Variants in STXBP5L observed in about 807,000 individuals in gnomAD.
STXBP5L encodes the protein syntaxin-binding protein 5-like.
Under a neutral mutation model 144.5 loss-of-function variants are expected in STXBP5L, and 65 were observed. The ratio of observed to expected loss-of-function variants is 0.45; its 90% CI spans 0.37 to 0.55. The LOEUF (loss-of-function observed/expected upper bound fraction) is 0.55. Ranked by LOEUF, STXBP5L falls within the 20% of genes least tolerant of loss-of-function variation. STXBP5L has a pLI of 0.00. For synonymous variants in STXBP5L, 505 were observed against 469.6 expected, an observed-to-expected ratio of 1.08 and a Z score of -0.97; for missense variants, 1,298 against 1,405.5, an observed-to-expected ratio of 0.92 and a Z score of 1.22.
chr3:120,945,260 A>G (rs1385739551), intron 2 of STXBP5L, among the ~76,000 whole-genome samples: 1 of 151,836 alleles, frequency 6.6e-6, no homozygotes, highest in Non-Finnish European at 1.5e-5. Context: ...CAGAAAAGGC[A>G]TAGCATATAT....
chr3:121,045,572 A>G (rs780191712), intron 5 of STXBP5L, 37 bp downstream of exon 5: 2 of 1,567,570 alleles, frequency 1.3e-6, no homozygotes, highest in Non-Finnish European at 1.7e-6. Context: ...CTTAATGTAC[A>G]ACAAAATTAT....
chr3:120,992,542 A>T (rs1468325018), intron 3 of STXBP5L, among the ~76,000 whole-genome samples: 1 of 152,102 alleles, frequency 6.6e-6, no homozygotes, highest in African/African-American at 2.4e-5. Context: ...ATGAGTGAGA[A>T]TATGTGATGT....
At chr3:121,145,346 A>G (rs1000846794) in intron 7 of STXBP5L, among the ~76,000 whole-genome samples, 1 of 133,844 alleles carries the variant, frequency 7.5e-6, no homozygotes, top group African/African-American at 2.9e-5. Context: ...TAATAGGTCT[A>G]AGAACAAATG....
At chr3:121,043,531 A>T (rs1947301831) in intron 4 of STXBP5L, among the ~76,000 whole-genome samples, 1 of 152,130 alleles carries the variant, frequency 6.6e-6, no homozygotes. Context: ...CAACATGGTG[A>T]AACCCCGTCT....
At chr3:121,052,928 C>G (rs1948137320) in intron 5 of STXBP5L, among the ~76,000 whole-genome samples, 1 of 152,168 alleles carries the variant, frequency 6.6e-6, no homozygotes, top group Admixed American at 6.5e-5. Flanking sequence ...GTACAAAAAT[C>G]ACAAGCATTC....
chr3:121,373,150 C>T (rs2046081873), intron 20 of STXBP5L, among the ~76,000 whole-genome samples: 1 of 152,194 alleles, frequency 6.6e-6, no homozygotes, highest in African/African-American at 2.4e-5. Flanking sequence ...AAGAAAACAA[C>T]AGGGACCCTT....
At chr3:121,037,306 G>A (rs1399440415) in intron 3 of STXBP5L, among the ~76,000 whole-genome samples, 3 of 151,282 alleles carry the variant, frequency 2.0e-5, no homozygotes, top group South Asian at 2.1e-4. Context: ...GGAGTGCAGA[G>A]GTGTGATTAT....
intron 14 of STXBP5L, among the ~76,000 whole-genome samples, chr3:121,245,820 C>T (rs2049831920): frequency 6.6e-6 from 1 of 152,142 alleles, no homozygotes; most frequent in African/African-American, 2.4e-5. Flanking sequence ...AAGAAACAAA[C>T]AGAATAACAC....
rs77400789 is a variant in STXBP5L, at chr3:121,358,931, A to G, written c.2177-19785A>G. ...GTTTTTTCCAAATATAGGATAGTAGATGTCTTTTCAATATACAGATTTTTT... is the reference window on the plus strand; with the variant it reads ...GTTTTTTCCAAATATAGGATAGTAGGTGTCTTTTCAATATACAGATTTTTT... On this transcript the variant is annotated intron_variant, in intron 20 of 26. Coordinates refer to ENST00000471454, the MANE Select transcript of STXBP5L (RefSeq NM_001308330.2). Among the ~76,000 whole-genome samples, 1,193 of 152,260 alleles carry G rather than the reference A, an allele frequency of 7.8e-3. 12 individuals are homozygous for G. The highest frequency in any genetic ancestry group is 0.028 in the African/African-American group (1,151 of 41,528).
intron 5 of STXBP5L, among the ~76,000 whole-genome samples, chr3:121,071,271 A>G (rs530324296): frequency 1.2e-4 from 18 of 152,356 alleles, no homozygotes; most frequent in Admixed American, 7.8e-4. Context: ...TAAACATATA[A>G]CTATGTTTGT....
chr3:121,142,041 A>G (rs1368755109), intron 7 of STXBP5L, among the ~76,000 whole-genome samples: 1 of 152,094 alleles, frequency 6.6e-6, no homozygotes, highest in Admixed American at 6.6e-5. Context: ...CCATTTAAGG[A>G]TATATAAAGA....
rs146123141 is a variant in STXBP5L, at chr3:121,248,865, G to A, written c.1401-1858G>A. On this transcript the variant is annotated intron_variant, in intron 14 of 26. Coordinates refer to ENST00000471454, the MANE Select transcript of STXBP5L (RefSeq NM_001308330.2). ...TCTAGTTTTCACTCTTTTGCATATG[G>A]CTAGCCAGTTATCCCAGCACCCCTT... is the stretch of plus-strand genomic sequence containing the variant. Among the ~76,000 whole-genome samples, 464 of 152,228 alleles carry A rather than the reference G, an allele frequency of 3.0e-3. 5 individuals carry two copies. The highest frequency in any genetic ancestry group is 0.011 in the African/African-American group (447 of 41,520).
chr3:121,029,657 C>A (rs1171764046), intron 3 of STXBP5L, among the ~76,000 whole-genome samples: 2 of 152,140 alleles, frequency 1.3e-5, no homozygotes, highest in East Asian at 1.9e-4. Flanking sequence ...AAAGCAATGG[C>A]AACAAAAGGC....
intron 18 of STXBP5L, 118 bp downstream of exon 18, chr3:121,259,286 T>G: frequency 2.8e-6 from 2 of 702,504 alleles, no homozygotes; most frequent in Non-Finnish European, 4.0e-6. Flanking sequence ...TTTTATTAGA[T>G]TAAACAATAT....
chr3:121,313,427 G>A (rs1577430794), intron 19 of STXBP5L, among the ~76,000 whole-genome samples: 2 of 106,760 alleles, frequency 1.9e-5, no homozygotes, highest in African/African-American at 4.0e-5. Context: ...TGGGCGGCTG[G>A]CCGGGCGGGG....
At chr3:120,913,116 G>A (rs1472970137) in intron 2 of STXBP5L, among the ~76,000 whole-genome samples, 1 of 151,696 alleles carries the variant, frequency 6.6e-6, no homozygotes, top group Non-Finnish European at 1.5e-5. Flanking sequence ...TGTAGCATCT[G>A]GCATATACCT....
intron 3 of STXBP5L, among the ~76,000 whole-genome samples, chr3:120,976,139 C>G (rs531554190): frequency 3.3e-5 from 5 of 152,072 alleles, no homozygotes; most frequent in African/African-American, 9.7e-5. Context: ...CCTCTTGTAC[C>G]TCGGGTAGAA....
chr3:121,087,576 G>C (rs1238458336), intron 5 of STXBP5L, among the ~76,000 whole-genome samples: 1 of 151,960 alleles, frequency 6.6e-6, no homozygotes, highest in East Asian at 1.9e-4. Context: ...TATTCAAAGT[G>C]TATTTCTTAT....
chr3:121,178,955 G>A (rs965657254), intron 9 of STXBP5L, among the ~76,000 whole-genome samples: 1 of 152,038 alleles, frequency 6.6e-6, no homozygotes, highest in Non-Finnish European at 1.5e-5. Flanking sequence ...CCCTTTAAAA[G>A]AATCTGTGGC....
Sources: allele counts gnomAD v4.1 joint callset (sites outside exome capture counted in the v4.1 genomes callset), GRCh38; gene constraint gnomAD v4.1.1; transcripts MANE v1.5; gene names NCBI Gene and HGNC (gene_info 2026-07-23, HGNC 2026-07-21).